The following KLHL29 variants were observed in gnomAD, a reference collection of about 807,000 sequenced individuals.
The protein encoded by KLHL29 is kelch-like protein 29.
Under a neutral mutation model 80.4 loss-of-function variants are expected in KLHL29, and 21 were observed. The observed-to-expected ratio is 0.26, with a 90% CI of 0.19 to 0.38. KLHL29 has a LOEUF of 0.38. KLHL29 is among the 10% of genes least tolerant of loss of function. The probability of loss-of-function intolerance (pLI) is 1.00; values close to 1 mark genes in which losing one functional copy is unlikely to be tolerated. For missense variants in KLHL29, 867 were observed against 1,223.9 expected, an observed-to-expected ratio of 0.71 and a Z score of 4.35; for synonymous variants, 511 against 526.8, an observed-to-expected ratio of 0.97 and a Z score of 0.41.
At chr2:23,694,676 A>G (rs1415615026) in intron 8 of KLHL29, among the ~76,000 whole-genome samples, 1 of 152,278 alleles carries the variant, frequency 6.6e-6, no homozygotes, top group South Asian at 2.1e-4. Flanking sequence ...TAAACCCCAG[A>G]CAATTCTCCA....
intron 2 of KLHL29, among the ~76,000 whole-genome samples, chr2:23,476,330 T>C (rs1442116543): frequency 6.6e-6 from 1 of 152,120 alleles, no homozygotes; most frequent in Non-Finnish European, 1.5e-5. Context: ...TATTATTAAA[T>C]ATCATGAAAA....
At chr2:23,394,197 T>C (rs1381096880) in intron 1 of KLHL29, among the ~76,000 whole-genome samples, 1 of 152,158 alleles carries the variant, frequency 6.6e-6, no homozygotes, top group Non-Finnish European at 1.5e-5. Flanking sequence ...ACAAAAACAA[T>C]CTTCCCTTTC....
chr2:23,467,870 G>A (rs1350354781), intron 1 of KLHL29, among the ~76,000 whole-genome samples: 1 of 151,934 alleles, frequency 6.6e-6, no homozygotes, highest in Non-Finnish European at 1.5e-5. Flanking sequence ...CAGCCCGTTG[G>A]TTCCACCGCC....
At chr2:23,469,614 T>A (rs868088073) in intron 1 of KLHL29, among the ~76,000 whole-genome samples, 3 of 152,150 alleles carry the variant, frequency 2.0e-5, no homozygotes, top group Non-Finnish European at 2.9e-5. Context: ...GATTTTTTTT[T>A]AAACTGGTTT....
intron 1 of KLHL29, among the ~76,000 whole-genome samples, chr2:23,386,721 C>T (rs1666192157): frequency 6.6e-6 from 1 of 152,064 alleles, no homozygotes; most frequent in African/African-American, 2.4e-5. Flanking sequence ...GGTGCCCGCG[C>T]TGGGCAGCGT....
chr2:23,616,099 G>A (rs556562680), intron 3 of KLHL29, among the ~76,000 whole-genome samples: 71 of 152,270 alleles, frequency 4.7e-4, no homozygotes, highest in African/African-American at 1.6e-3. Context: ...GGACCTCTCT[G>A]CTATTGGCCA....
chr2:23,488,372 C>T (rs992003778), intron 2 of KLHL29, among the ~76,000 whole-genome samples: 1 of 152,368 alleles, frequency 6.6e-6, no homozygotes, highest in East Asian at 1.9e-4. Flanking sequence ...GGGCATCCCC[C>T]GTCTCCCGCT....
rs376689378 is a variant in KLHL29 at position 23,701,921 on chromosome 2, CGGGTAGCT to C, written c.2106-1246_2106-1239del. Among the ~76,000 whole-genome samples the C allele has an allele frequency of 2.1e-3, 321 of 151,450 alleles. 2 individuals are homozygous for C. Among genetic ancestry groups the C allele is most frequent in the African/African-American group, 7.1e-3 (293 of 41,238 alleles). The stretch of plus-strand genomic sequence containing the variant: ...GTTCAAGCAGTTCTTCTGCCTCAGC[CGGGTAGCT>C]GGGTAGCTGGGTAGCTGGAATTACA... On this transcript the variant is annotated intron_variant, in intron 11 of 13. Coordinates refer to ENST00000486442, the MANE Select transcript of KLHL29 (RefSeq NM_052920.2).
intron 1 of KLHL29, among the ~76,000 whole-genome samples, chr2:23,389,073 G>A (rs1367470085): frequency 1.4e-5 from 2 of 146,904 alleles, no homozygotes; most frequent in Admixed American, 7.0e-5. Flanking sequence ...GGCTTGGAGA[G>A]ACTTCGAGAC....
At chr2:23,534,528 A>C (rs547832708) in intron 2 of KLHL29, among the ~76,000 whole-genome samples, 1 of 137,368 alleles carries the variant, frequency 7.3e-6, no homozygotes, top group African/African-American at 2.9e-5. Flanking sequence ...CCTTAGCCAG[A>C]ATGACTTATT....
intron 2 of KLHL29, among the ~76,000 whole-genome samples, chr2:23,533,676 C>T (rs1467336430): frequency 6.6e-6 from 1 of 152,142 alleles, no homozygotes; most frequent in Non-Finnish European, 1.5e-5. Context: ...TGTGAGGACC[C>T]CCCACTCTCC....
intron 2 of KLHL29, among the ~76,000 whole-genome samples, chr2:23,477,202 C>T (rs1664663394): frequency 6.6e-6 from 1 of 152,274 alleles, no homozygotes; most frequent in Admixed American, 6.5e-5. Flanking sequence ...CTCATGCCTT[C>T]TGACCGGTGG....
chr2:23,428,444 TTTGTC>T, intron 1 of KLHL29, among the ~76,000 whole-genome samples: 1 of 152,254 alleles, frequency 6.6e-6, no homozygotes, highest in Non-Finnish European at 1.5e-5. Context: ...TTTACTATGC[TTTGTC>T]TTTTGCTGTG....
chr2:23,643,740 C>G (rs2149159573), intron 5 of KLHL29: 1 of 152,428 alleles, frequency 6.6e-6, no homozygotes, highest in Admixed American at 6.5e-5. Flanking sequence ...CAAGTCCCTG[C>G]TCCTGCTGGA....
At position 23,706,526 on chromosome 2, in the gene KLHL29, C is replaced by T. The variant is rs751203720; in HGVS notation, c.2490C>T (p.Val830=). 7.2e-6 allele frequency: 11 copies of T among 1,535,904 alleles called. No homozygotes were observed. In the South Asian group the frequency reaches 1.2e-4, roughly 17 times the overall value. ...DGKIYATGGI[V]SSEGPALGNM... is the part of the protein sequence containing the mutation. ...AGATTTATGCAACTGGAGGTATTGT[C>T]AGCAGTGAAGGGCCCGCGCTGGGCA... The change falls in exon 14 of 14, where the codon GTC becomes GTT. Residue 830 remains valine (V), a synonymous_variant. Transcript: ENST00000486442.
intron 3 of KLHL29, among the ~76,000 whole-genome samples, chr2:23,614,702 A>G (rs980858147): frequency 3.3e-5 from 5 of 152,192 alleles, no homozygotes; most frequent in Non-Finnish European, 7.4e-5. Context: ...GGGTTCGGAA[A>G]GAGCTCTCTG....
intron 2 of KLHL29, among the ~76,000 whole-genome samples, chr2:23,504,456 C>G (rs977493166): frequency 5.9e-5 from 9 of 152,182 alleles, no homozygotes; most frequent in Admixed American, 4.6e-4. Flanking sequence ...GAGCTTTAGG[C>G]AAGGCCTCAC....
chr2:23,480,971 G>A lies in KLHL29; in HGVS notation c.-46+5304G>A, dbSNP rs536710093. On this transcript the variant is annotated intron_variant, in intron 2 of 13. Coordinates refer to ENST00000486442, the MANE Select transcript of KLHL29 (RefSeq NM_052920.2). ...TCCACCACAGACATATTCTTCTCCC[G>A]AGCCACTGTCATAGGATCTCATGGA... Among the ~76,000 whole-genome samples, 108 of 152,258 alleles carry A rather than the reference G, an allele frequency of 7.1e-4. 1 individual carries two copies. Among genetic ancestry groups the A allele is most frequent in the East Asian group, 1.2e-3 (6 of 5,180 alleles).
At chr2:23,638,085 TAAAA>T (rs553356362) in intron 3 of KLHL29, among the ~76,000 whole-genome samples, 1 of 111,586 alleles carries the variant, frequency 9.0e-6, no homozygotes, top group African/African-American at 3.4e-5. Flanking sequence ...ATGGCCATAG[TAAAA>T]AAAAAAAAAA....
Sources: gnomAD v4.1 joint callset for allele counts (sites outside exome capture counted in the v4.1 genomes callset) on GRCh38, gnomAD v4.1.1 for gene constraint, MANE v1.5 for transcripts, NCBI Gene and HGNC (gene_info 2026-07-23, HGNC 2026-07-21) for gene names.